BMAL1: variants seen among roughly 807,000 people sequenced by gnomAD.
BMAL1 encodes basic helix-loop-helix ARNT like 1.
the BMAL1 span, chr11:13,381,175 C>T: frequency 1.9e-6 from 3 of 1,614,104 alleles, no homozygotes; most frequent in Non-Finnish European, 2.5e-6. Flanking sequence ...AGAGGGTCAT[C>T]GCCTTCTAGC....
At chr11:13,340,368 G>T in the BMAL1 span, among the ~76,000 whole-genome samples, 1 of 152,196 alleles carries the variant, frequency 6.6e-6, no homozygotes, top group Admixed American at 6.5e-5. Flanking sequence ...GGAAATCATT[G>T]TCCTTGCTTT....
the BMAL1 span, among the ~76,000 whole-genome samples, chr11:13,278,279 C>CG: frequency 1.3e-5 from 2 of 152,278 alleles, no homozygotes; most frequent in African/African-American, 4.8e-5. Flanking sequence ...CGCTACCTGG[C>CG]GGGGGGAGGG....
the BMAL1 span, among the ~76,000 whole-genome samples, chr11:13,344,596 G>T: frequency 6.6e-6 from 1 of 152,232 alleles, no homozygotes; most frequent in African/African-American, 2.4e-5. Context: ...GCAAACACCT[G>T]TTACCTTAGG....
the BMAL1 span, among the ~76,000 whole-genome samples, chr11:13,313,325 G>A: frequency 2.0e-5 from 3 of 151,996 alleles, no homozygotes; most frequent in Non-Finnish European, 2.9e-5. Flanking sequence ...CATCCTTAAC[G>A]TCCTCCCTGG....
At chr11:13,366,320 G>A in the BMAL1 span, among the ~76,000 whole-genome samples, 1 of 152,040 alleles carries the variant, frequency 6.6e-6, no homozygotes, top group African/African-American at 2.4e-5. Flanking sequence ...TGCGTGACTT[G>A]CTTGAGAACA....
the BMAL1 span, among the ~76,000 whole-genome samples, chr11:13,294,213 C>T: frequency 1.2e-4 from 19 of 152,096 alleles, no homozygotes; most frequent in East Asian, 1.9e-4. Context: ...TGGAACTCTG[C>T]GGAGTGTTTT....
chr11:13,323,856 A>G, the BMAL1 span, among the ~76,000 whole-genome samples: 1 of 152,296 alleles, frequency 6.6e-6, no homozygotes, highest in Non-Finnish European at 1.5e-5. Context: ...ACCTCAAGTG[A>G]TCCACCCGCC....
the BMAL1 span, among the ~76,000 whole-genome samples, chr11:13,339,278 C>G: frequency 6.6e-6 from 1 of 152,128 alleles, no homozygotes; most frequent in Non-Finnish European, 1.5e-5. Flanking sequence ...CCTCTTACAC[C>G]TCACATCCCA....
the BMAL1 span, among the ~76,000 whole-genome samples, chr11:13,365,149 A>G: frequency 2.0e-5 from 3 of 152,178 alleles, no homozygotes; most frequent in Non-Finnish European, 2.9e-5. Flanking sequence ...TAGAGTTGTT[A>G]TTATTAGAGC....
At chr11:13,276,993 C>T in the BMAL1 span, 1 of 152,262 alleles carries the variant, frequency 6.6e-6, no homozygotes, top group Non-Finnish European at 1.5e-5. Flanking sequence ...GGAATCGCTC[C>T]GCGCTCGAGT....
the BMAL1 span, among the ~76,000 whole-genome samples, chr11:13,338,068 T>C: frequency 6.6e-6 from 1 of 152,206 alleles, no homozygotes; most frequent in African/African-American, 2.4e-5. Flanking sequence ...CTGCACTGAG[T>C]ATTTTCTCAG....
At chr11:13,370,948 CT>C in the BMAL1 span, among the ~76,000 whole-genome samples, 1 of 152,236 alleles carries the variant, frequency 6.6e-6, no homozygotes, top group African/African-American at 2.4e-5. Flanking sequence ...TTTCTTCCCT[CT>C]CCCCATGAAC....
chr11:13,309,330 G>A, the BMAL1 span, among the ~76,000 whole-genome samples: 2 of 152,116 alleles, frequency 1.3e-5, no homozygotes, highest in African/African-American at 4.8e-5. Context: ...GACTGCAGCC[G>A]GGCCAGTTGG....
chr11:13,360,064 A>G, the BMAL1 span, among the ~76,000 whole-genome samples: 1 of 152,206 alleles, frequency 6.6e-6, no homozygotes, highest in Non-Finnish European at 1.5e-5. Context: ...GCAGATTGTT[A>G]AACTTCCTTC....
At chr11:13,339,141 G>C in the BMAL1 span, among the ~76,000 whole-genome samples, 2 of 152,232 alleles carry the variant, frequency 1.3e-5, no homozygotes, top group East Asian at 3.8e-4. Flanking sequence ...TGGACTGGGA[G>C]TCACCCCCAT....
the BMAL1 span, among the ~76,000 whole-genome samples, chr11:13,386,305 C>T: frequency 6.6e-6 from 1 of 152,076 alleles, no homozygotes; most frequent in Admixed American, 6.6e-5. Context: ...ATATTTTTAA[C>T]ATTTACTAAA....
the BMAL1 span, among the ~76,000 whole-genome samples, chr11:13,296,852 G>C: frequency 1.3e-5 from 2 of 152,330 alleles, no homozygotes; most frequent in South Asian, 4.1e-4. Context: ...GTCAGACTCA[G>C]TGGGGAAGCC....
At chr11:13,309,651 G>A in the BMAL1 span, among the ~76,000 whole-genome samples, 2 of 152,054 alleles carry the variant, frequency 1.3e-5, no homozygotes, top group Admixed American at 1.3e-4. Flanking sequence ...TAGGCAGTTG[G>A]GGGTATGGGA....
At chr11:13,300,104 C>T in the BMAL1 span, among the ~76,000 whole-genome samples, 2 of 152,156 alleles carry the variant, frequency 1.3e-5, no homozygotes, top group African/African-American at 4.8e-5. Context: ...TGCACTATGG[C>T]CTCTCTACTC....
Sources: gnomAD v4.1 joint callset for allele counts (sites outside exome capture counted in the v4.1 genomes callset) on GRCh38, gnomAD v4.1.1 for gene constraint, MANE v1.5 for transcripts, NCBI Gene and HGNC (gene_info 2026-07-23, HGNC 2026-07-21) for gene names.